Variants in CNR2 observed in about 807,000 individuals in gnomAD.
CNR2 encodes cannabinoid receptor 2.
For missense variants in CNR2, 379 were observed against 439.9 expected (o/e 0.86, Z 1.24); for synonymous variants, 172 against 182.2 (o/e 0.94, Z 0.45).
intron 1 of CNR2, among the ~76,000 whole-genome samples, chr1:23,882,444 C>T (rs7541841): frequency 0.73 from 110,533 of 152,026 alleles, 40,947 homozygotes; most frequent in Middle Eastern, 0.79. Context: ...TGAATGACTA[C>T]GAAATTGTGA....
At chr1:23,913,196 T>C in intron 1 of CNR2, 50 bp downstream of exon 1, 1 of 166,966 alleles carries the variant, frequency 6.0e-6, no homozygotes, top group Non-Finnish European at 1.3e-5. Flanking sequence ...AATACAGGTG[T>C]TGGGGAATGA....
Position 23,874,413 on chromosome 1 carries a change from G to C in CNR2, c.*122C>G, listed in dbSNP as rs2229586. 0.57 allele frequency: 626,286 copies of C among 1,097,694 alleles called. 180,412 individuals carry two copies. Among genetic ancestry groups the C allele is most frequent in the South Asian group, 0.72 (46,719 of 65,330 alleles). 68.0% of individuals were successfully genotyped at this position (1,097,694 alleles called of 1,614,324 possible). The stretch of plus-strand genomic sequence containing the variant: ...CAGTCCCAACACTCATCAGCAAAAA[G>C]GGGTCCGTGTCTAGGTGTCTGGGAC... On this transcript the variant is annotated 3_prime_UTR_variant, in exon 2 of 2. Transcript: ENST00000374472.
chr1:23,892,567 G>A (rs1402368262), intron 1 of CNR2, among the ~76,000 whole-genome samples: 1 of 152,188 alleles, frequency 6.6e-6, no homozygotes. Context: ...TTGGCTGCCA[G>A]CAAGCCCAGA....
intron 1 of CNR2, among the ~76,000 whole-genome samples, chr1:23,895,654 G>A (rs756746188): frequency 3.6e-4 from 54 of 152,096 alleles, no homozygotes; most frequent in African/African-American, 1.2e-3. Context: ...GTACAGGTGC[G>A]CGCCACCACA....
intron 1 of CNR2, among the ~76,000 whole-genome samples, chr1:23,894,116 C>A (rs6424131): frequency 0.83 from 121,969 of 146,542 alleles, 49,991 homozygotes; most frequent in Admixed American, 0.85. Context: ...CAGACCCTGT[C>A]TCAAATTAAA....
chr1:23,903,466 T>A (rs1190279558), intron 1 of CNR2, among the ~76,000 whole-genome samples: 1 of 149,522 alleles, frequency 6.7e-6, no homozygotes, highest in Non-Finnish European at 1.5e-5. Flanking sequence ...CCCAGGCACT[T>A]GGGAGGCTGA....
intron 1 of CNR2, among the ~76,000 whole-genome samples, chr1:23,901,310 G>A (rs1640394560): frequency 6.6e-6 from 1 of 152,156 alleles, no homozygotes; most frequent in South Asian, 2.1e-4. Flanking sequence ...CCCAGCTCTG[G>A]CTGTGTGGAA....
chr1:23,907,981 C>CTTTTTTTTT (rs35507609), intron 1 of CNR2: 27 of 79,298 alleles, frequency 3.4e-4, no homozygotes, highest in East Asian at 8.9e-4. Context: ...CTAACTACTG[C>CTTTTTTTTT]TTTTTTTTTT....
intron 1 of CNR2, among the ~76,000 whole-genome samples, chr1:23,881,900 A>G (rs1292562696): frequency 1.3e-5 from 2 of 151,770 alleles, no homozygotes; most frequent in East Asian, 3.9e-4. Flanking sequence ...TTTAAAAAAA[A>G]AAATTACTAA....
At chr1:23,904,940 G>A (rs1640462449) in intron 1 of CNR2, among the ~76,000 whole-genome samples, 1 of 152,106 alleles carries the variant, frequency 6.6e-6, no homozygotes, top group African/African-American at 2.4e-5. Flanking sequence ...GATCCCAAAG[G>A]GTAGAGCCCC....
chr1:23,878,056 T>C (rs1639919358), intron 1 of CNR2, among the ~76,000 whole-genome samples: 1 of 152,046 alleles, frequency 6.6e-6, no homozygotes, highest in Non-Finnish European at 1.5e-5. Context: ...AGTTAAGAGT[T>C]ATGAAGGATT....
rs2501431 is a variant in CNR2, at chr1:23,875,153, G to A, written c.465C>T (p.Gly155=). 0.59 allele frequency: 957,538 copies of A among 1,613,120 alleles called. 286,927 individuals carry two copies. Among genetic ancestry groups the A allele is most frequent in the African/African-American group, 0.76 (56,970 of 74,934 alleles). ...CTAGTGCTGAGAGGACCCACATGAT[G>A]CCCAGGGTCACCAGTGCCCTTCCAC... The part of the protein sequence containing the change: ...LTRGRALVTL[G]IMWVLSALVS... Residue 155 remains glycine (G), a synonymous_variant, in exon 2 of 2, where the codon GGC becomes GGT. Transcript: ENST00000374472.
rs762850238 is a variant in CNR2 at position 23,872,657 on chromosome 1, C to T, written c.*1878G>A. ...TGACTTTGCATCTTTGAGGTTGCCA[C>T]ATCTGTAAAATGAAGATAACTAAGA... On this transcript the variant is annotated 3_prime_UTR_variant, in exon 2 of 2. Transcript: ENST00000374472. 1 of 152,070 alleles carries T rather than the reference C, an allele frequency of 6.6e-6. No homozygotes were observed. The highest frequency in any genetic ancestry group is 2.1e-4 in the South Asian group (1 of 4,824). 9.4% of individuals were successfully genotyped at this position (152,070 alleles called of 1,614,324 possible).
Position 23,870,681 on chromosome 1 carries a change from G to C in CNR2, c.*3854C>G, listed in dbSNP as rs1639747398. The C allele has an allele frequency of 6.6e-6, 1 of 152,158 alleles. No individual in the cohort carries two copies. The highest frequency in any genetic ancestry group is 2.4e-5 in the African/African-American group (1 of 41,428). The allele number at this position is 152,158 out of a possible 1,614,324, so 9.4% of individuals were successfully genotyped here. ...CACTGATGTAGAGTGGACAGAACTG[G>C]AAGTTAGGAAACCTAGGTTTGTTGC... On this transcript the variant is annotated 3_prime_UTR_variant, in exon 2 of 2. Transcript: ENST00000374472.
At chr1:23,878,555 T>C (rs529171781) in intron 1 of CNR2, among the ~76,000 whole-genome samples, 86 of 152,166 alleles carry the variant, frequency 5.7e-4, no homozygotes, top group African/African-American at 2.0e-3. Flanking sequence ...AATTTTTGTA[T>C]TTTTAGTAGA....
At chr1:23,912,483 G>A (rs1023981633) in intron 1 of CNR2, among the ~76,000 whole-genome samples, 1 of 152,250 alleles carries the variant, frequency 6.6e-6, no homozygotes, top group Non-Finnish European at 1.5e-5. Flanking sequence ...AGGGTGGGCC[G>A]CGAAGCCGGA....
intron 1 of CNR2, among the ~76,000 whole-genome samples, chr1:23,912,031 C>T (rs1240669457): frequency 6.6e-6 from 1 of 152,192 alleles, no homozygotes; most frequent in Non-Finnish European, 1.5e-5. Context: ...AGATCAAACT[C>T]TCCACCACAG....
intron 1 of CNR2, among the ~76,000 whole-genome samples, chr1:23,897,481 A>ATTTTTTTTT (rs35662001): frequency 6.7e-6 from 1 of 149,904 alleles, no homozygotes; most frequent in African/African-American, 2.5e-5. Context: ...TGTTAATAGA[A>ATTTTTTTTT]TTTTTTTTTT....
chr1:23,881,040 C>T (rs1195763205), intron 1 of CNR2, among the ~76,000 whole-genome samples: 1 of 151,438 alleles, frequency 6.6e-6, no homozygotes, highest in Non-Finnish European at 1.5e-5. Context: ...CTTTGGGAGA[C>T]CAAGGCGGGC....
Sources: gnomAD v4.1 joint callset for allele counts (sites outside exome capture counted in the v4.1 genomes callset) on GRCh38, gnomAD v4.1.1 for gene constraint, MANE v1.5 for transcripts, NCBI Gene and HGNC (gene_info 2026-07-23, HGNC 2026-07-21) for gene names.